KLRG1: variants seen among roughly 807,000 people sequenced by gnomAD.
KLRG1 encodes the protein killer cell lectin like receptor G1, also known as killer cell lectin-like receptor subfamily G member 1.
Under a neutral mutation model 21.8 loss-of-function variants are expected in KLRG1, and 16 were observed. The observed-to-expected ratio is 0.73, with a 90% CI of 0.50 to 1.11. The LOEUF is 1.11. Among genes scored for constraint, KLRG1 ranks in the 50% most tolerant of loss-of-function variants. The probability of loss-of-function intolerance (pLI) is 0.00; values close to 1 mark genes in which losing one functional copy is unlikely to be tolerated. For synonymous variants in KLRG1, 69 were observed against 75.9 expected (o/e 0.91, Z 0.47); for missense variants, 173 against 218.3 (o/e 0.79, Z 1.31).
the KLRG1 span, chr12:9,079,585 G>C: frequency 2.7e-5 from 42 of 1,528,060 alleles, no homozygotes; most frequent in Admixed American, 7.3e-4. Context: ...AAACCTACTG[G>C]GAAATCCAGT....
At chr12:9,040,546 C>T in the KLRG1 span, among the ~76,000 whole-genome samples, 1 of 152,116 alleles carries the variant, frequency 6.6e-6, no homozygotes, top group African/African-American at 2.4e-5. Flanking sequence ...CCAGTGCCTC[C>T]CTCCCATCTT....
chr12:9,132,567 A>G, the KLRG1 span, among the ~76,000 whole-genome samples: 4 of 152,212 alleles, frequency 2.6e-5, no homozygotes, highest in African/African-American at 9.6e-5. Context: ...TATGACACAC[A>G]CATTGGAGAA....
At chr12:9,165,978 G>T in the KLRG1 span, 1 of 1,506,814 alleles carries the variant, frequency 6.6e-7, no homozygotes, top group Non-Finnish European at 8.9e-7. Flanking sequence ...CAGGAAGATT[G>T]TCTTAGAATT....
chr12:9,153,232 A>T, the KLRG1 span: 6 of 1,613,998 alleles, frequency 3.7e-6, no homozygotes, highest in Non-Finnish European at 5.1e-6. Context: ...TCTACTTGGA[A>T]ATTTGTAGAA....
chr12:8,995,906 TC>T (rs1192791377), intron 3 of KLRG1, among the ~76,000 whole-genome samples: 1 of 152,006 alleles, frequency 6.6e-6, no homozygotes, highest in African/African-American at 2.4e-5. Flanking sequence ...ATGGCCTTGA[TC>T]TCCTGACCTT....
chr12:9,173,471 A>T, the KLRG1 span, among the ~76,000 whole-genome samples: 1 of 152,240 alleles, frequency 6.6e-6, no homozygotes, highest in East Asian at 1.9e-4. Flanking sequence ...AATAGCAAAG[A>T]TCAAAGCTGA....
the KLRG1 span, among the ~76,000 whole-genome samples, chr12:9,071,986 TCTAA>T: frequency 2.6e-5 from 4 of 152,310 alleles, no homozygotes; most frequent in East Asian, 5.8e-4. Flanking sequence ...CAGTAGGAAT[TCTAA>T]CTAAGGAGTC....
intron 1 of KLRG1, among the ~76,000 whole-genome samples, chr12:8,969,237 G>T (rs1364237282): frequency 6.6e-6 from 1 of 152,232 alleles, no homozygotes; most frequent in African/African-American, 2.4e-5. Context: ...AGAGGAGGGT[G>T]CAGTGGCTCC....
At chr12:9,211,295 AT>A in the KLRG1 span, among the ~76,000 whole-genome samples, 3 of 150,256 alleles carry the variant, frequency 2.0e-5, no homozygotes, top group Non-Finnish European at 4.4e-5. Context: ...CTCTTCTTTA[AT>A]TTTTTTTCTT....
At chr12:9,041,232 G>A in the KLRG1 span, among the ~76,000 whole-genome samples, 1 of 152,210 alleles carries the variant, frequency 6.6e-6, no homozygotes. Flanking sequence ...CTACTTGGGA[G>A]GCTGAGGCAG....
the KLRG1 span, among the ~76,000 whole-genome samples, chr12:9,031,470 G>A: frequency 2.0e-5 from 3 of 152,276 alleles, no homozygotes; most frequent in Admixed American, 6.5e-5. Context: ...TCAACGGGCC[G>A]CTGCTGGTAC....
the KLRG1 span, among the ~76,000 whole-genome samples, chr12:9,034,373 G>A: frequency 3.3e-5 from 5 of 152,100 alleles, no homozygotes; most frequent in East Asian, 1.9e-4. Flanking sequence ...TAGCACATAC[G>A]GTTATGTATG....
the KLRG1 span, among the ~76,000 whole-genome samples, chr12:9,146,412 C>T: frequency 1.3e-5 from 2 of 152,020 alleles, no homozygotes; most frequent in African/African-American, 2.4e-5. Flanking sequence ...TCTCACTGCT[C>T]ATACATTGTT....
the KLRG1 span, among the ~76,000 whole-genome samples, chr12:9,121,382 A>G: frequency 2.0e-5 from 3 of 152,124 alleles, no homozygotes; most frequent in Non-Finnish European, 4.4e-5. The surrounding 1 kb of genome is among the most constrained non-coding windows in gnomAD (Gnocchi z 4.4). Context: ...CTCTACTTAA[A>G]CTACAAAAAT....
upstream of KLRG1, chr12:8,987,133 T>C (rs1043501104): frequency 1.3e-5 from 2 of 152,180 alleles, no homozygotes; most frequent in East Asian, 1.9e-4. Flanking sequence ...TTTTAAAAAA[T>C]GATCTTAATT....
the KLRG1 span, among the ~76,000 whole-genome samples, chr12:9,099,754 G>A: frequency 6.6e-6 from 1 of 152,206 alleles, no homozygotes; most frequent in Admixed American, 6.5e-5. Context: ...TCTGATGCTA[G>A]TTAAGGGTAT....
At chr12:8,955,937 G>T (rs566184019) in intron 1 of KLRG1, among the ~76,000 whole-genome samples, 64 of 152,008 alleles carry the variant, frequency 4.2e-4, no homozygotes, top group Non-Finnish European at 8.1e-4. Context: ...ATCAAATGGT[G>T]CTTTTTCCAG....
intron 3 of KLRG1, among the ~76,000 whole-genome samples, chr12:9,001,728 C>T (rs1947314022): frequency 6.6e-6 from 1 of 152,180 alleles, no homozygotes; most frequent in South Asian, 2.1e-4. Flanking sequence ...GGTATCCCAA[C>T]CAACCCCATC....
chr12:9,070,775 T>C, the KLRG1 span, among the ~76,000 whole-genome samples: 1 of 152,088 alleles, frequency 6.6e-6, no homozygotes, highest in African/African-American at 2.4e-5. Context: ...CAGGCCCTAC[T>C]CTAGACCTGA....
Sources: gnomAD v4.1 joint callset for allele counts (sites outside exome capture counted in the v4.1 genomes callset) on GRCh38, gnomAD v4.1.1 for gene constraint, Gnocchi (gnomAD v3.1) non-coding constraint, MANE v1.5 for transcripts, NCBI Gene and HGNC (gene_info 2026-07-23, HGNC 2026-07-21) for gene names.